The following UGT8 variants were observed in gnomAD, a reference collection of about 807,000 sequenced individuals.
The protein encoded by UGT8 is UDP glycosyltransferase 8.
Under a neutral mutation model 40.5 loss-of-function variants are expected in UGT8, and 12 were observed. The observed-to-expected ratio is 0.30, with a 90% CI of 0.19 to 0.48. The LOEUF is 0.48. Among genes scored for constraint, UGT8 ranks in the 20% least tolerant of loss-of-function variants. UGT8 has a pLI of 0.99. For missense variants in UGT8, 513 were observed against 648.7 expected (o/e 0.79, Z 2.27); for synonymous variants, 224 against 240.4 (o/e 0.93, Z 0.63).
chr4:114,612,404 A>G (rs1034633276), intron 1 of UGT8, among the ~76,000 whole-genome samples: 2 of 152,184 alleles, frequency 1.3e-5, no homozygotes, highest in African/African-American at 4.8e-5. Flanking sequence ...ACTACATTGT[A>G]GATGGCAGGT....
intron 2 of UGT8, among the ~76,000 whole-genome samples, chr4:114,640,053 C>T (rs780342718): frequency 2.4e-4 from 32 of 133,614 alleles, no homozygotes; most frequent in Non-Finnish European, 3.9e-4. Flanking sequence ...TTTTTTGAGA[C>T]GGAGTCTCGC....
chr4:114,675,897 C>T (rs753044049), intron 5 of UGT8, 28 bp from the exon 6 acceptor site: 33 of 1,572,454 alleles, frequency 2.1e-5, no homozygotes, highest in Non-Finnish European at 2.8e-5. Context: ...TAAGCATCAT[C>T]ATTCTGTGTT....
At chr4:114,613,554 CT>C (rs1388930729) in intron 1 of UGT8, among the ~76,000 whole-genome samples, 5 of 152,078 alleles carry the variant, frequency 3.3e-5, no homozygotes, top group Admixed American at 2.0e-4. Flanking sequence ...TTCTGAGTTC[CT>C]GGGAATCTGG....
chr4:114,605,995 C>T (rs1264369586), intron 1 of UGT8, among the ~76,000 whole-genome samples: 1 of 152,090 alleles, frequency 6.6e-6, no homozygotes, highest in African/African-American at 2.4e-5. Context: ...TATCAACATA[C>T]AATTTACCAT....
At chr4:114,616,986 C>T (rs35182026) in intron 1 of UGT8, among the ~76,000 whole-genome samples, 22,006 of 152,130 alleles carry the variant, frequency 0.14, 2,086 homozygotes, top group Middle Eastern at 0.19. Flanking sequence ...TGCATGGTGG[C>T]TCATGCCTGT....
intron 3 of UGT8, among the ~76,000 whole-genome samples, chr4:114,665,007 C>T (rs1007371837): frequency 6.6e-6 from 1 of 152,220 alleles, no homozygotes; most frequent in Non-Finnish European, 1.5e-5. Context: ...CCTTCAGATT[C>T]GAGTCCCATT....
At chr4:114,636,943 T>G (rs913460085) in intron 2 of UGT8, among the ~76,000 whole-genome samples, 3 of 152,232 alleles carry the variant, frequency 2.0e-5, no homozygotes, top group African/African-American at 7.2e-5. Flanking sequence ...GAAAAGACAT[T>G]CATTCAACAC....
chr4:114,674,846 A>C (rs1735522273), intron 5 of UGT8, among the ~76,000 whole-genome samples: 1 of 152,222 alleles, frequency 6.6e-6, no homozygotes, highest in Non-Finnish European at 1.5e-5. Context: ...CTTATGTCTA[A>C]ACAATACAAA....
intron 2 of UGT8, among the ~76,000 whole-genome samples, chr4:114,636,938 G>T (rs989110063): frequency 2.0e-5 from 3 of 152,160 alleles, no homozygotes; most frequent in Admixed American, 6.5e-5. Context: ...TGAGGGAAAA[G>T]ACATTCATTC....
chr4:114,648,603 G>A (rs1379953562), intron 2 of UGT8, among the ~76,000 whole-genome samples: 1 of 152,066 alleles, frequency 6.6e-6, no homozygotes, highest in African/African-American at 2.4e-5. Context: ...AACTTCAGTT[G>A]CAGAGCTTAG....
At chr4:114,665,844 C>A (rs377111432) in intron 4 of UGT8, 88 bp downstream of exon 4, 5 of 1,025,450 alleles carry the variant, frequency 4.9e-6, no homozygotes, top group South Asian at 1.5e-5. Context: ...TTCAGAGGTT[C>A]ATACGGTATA....
intron 2 of UGT8, among the ~76,000 whole-genome samples, chr4:114,647,014 T>C (rs558458459): frequency 3.2e-4 from 48 of 152,310 alleles, no homozygotes; most frequent in African/African-American, 1.1e-3. Flanking sequence ...AACTCTTCAT[T>C]CTAAAGCAGT....
At chr4:114,670,535 A>G (rs1317918156) in intron 5 of UGT8, among the ~76,000 whole-genome samples, 9 of 151,880 alleles carry the variant, frequency 5.9e-5, no homozygotes, top group Admixed American at 1.3e-4. Flanking sequence ...AAGGTAATCT[A>G]TCACATAAAC....
Position 114,623,224 on chromosome 4 carries a change from A to T in UGT8, c.344A>T (p.Asp115Val), listed in dbSNP as rs776592565. 6.2e-7 allele frequency: 1 copy of T among 1,614,204 alleles called. No individual in the cohort carries two copies. Among genetic ancestry groups the T allele is most frequent in the East Asian group, 2.2e-5 (1 of 44,888 alleles). ...CTGGATCACTATACTAAGAACTGTG[A>T]CCTGATGGTTGGCAACCATGCCCTG... ...DILDHYTKNC[D>V]LMVGNHALIQ... The change falls in exon 2 of 6, where the codon GAC becomes GTC. Residue 115 changes from aspartate (D) to valine (V), a missense_variant. By Grantham distance (152) the Asp-to-Val change is radical. This residue lies in a region of UGT8 where 335 missense variants were observed against 444.8 expected (regional missense o/e 0.75). Transcript: ENST00000310836.
chr4:114,601,670 A>T (rs1436338794), intron 1 of UGT8, among the ~76,000 whole-genome samples: 1 of 152,112 alleles, frequency 6.6e-6, no homozygotes, highest in African/African-American at 2.4e-5. Flanking sequence ...TATTGGATAT[A>T]AGTTATTCTT....
intron 1 of UGT8, among the ~76,000 whole-genome samples, chr4:114,606,481 T>C (rs1385565682): frequency 6.6e-6 from 1 of 152,196 alleles, no homozygotes; most frequent in African/African-American, 2.4e-5. Flanking sequence ...CCTATTGAGT[T>C]GTTCTCACCA....
rs145664650 is a variant in UGT8 at position 114,642,290 on chromosome 4, G to A, written c.822+18588G>A. On this transcript the variant is annotated intron_variant, in intron 2 of 5. Coordinates refer to ENST00000310836, the MANE Select transcript of UGT8 (RefSeq NM_001128174.3). ...TTCTGTTCTCATTTTTAAGGGAAAC[G>A]ATCTATTTTATAGTGTTGTTTTGCA... is the stretch of plus-strand genomic sequence containing the variant. 3.3e-3 allele frequency among the ~76,000 whole-genome samples: 504 copies of A among 151,974 alleles called. 4 individuals carry two copies. Among genetic ancestry groups the A allele is most frequent in the African/African-American group, 0.011 (449 of 41,468 alleles).
intron 2 of UGT8, among the ~76,000 whole-genome samples, chr4:114,640,919 C>G (rs1164361679): frequency 6.6e-6 from 1 of 152,100 alleles, no homozygotes; most frequent in Admixed American, 6.5e-5. Flanking sequence ...CAAACCATAT[C>G]AGGATCTATC....
At chr4:114,608,237 CT>C (rs2126086362) in intron 1 of UGT8, among the ~76,000 whole-genome samples, 1 of 152,246 alleles carries the variant, frequency 6.6e-6, no homozygotes, top group African/African-American at 2.4e-5. Context: ...GCTTCCCAGT[CT>C]CTGTCACTTT....
Sources: allele counts gnomAD v4.1 joint callset (sites outside exome capture counted in the v4.1 genomes callset), GRCh38; gene constraint gnomAD v4.1.1; regional missense constraint gnomAD v4.1.1; transcripts MANE v1.5; gene names NCBI Gene and HGNC (gene_info 2026-07-23, HGNC 2026-07-21).